The following TAFA2 variants were observed in gnomAD, a reference collection of about 807,000 sequenced individuals.
TAFA2 encodes TAFA chemokine like family member 2.
Under a neutral mutation model 18.8 loss-of-function variants are expected in TAFA2, and 7 were observed. The ratio of observed to expected loss-of-function variants is 0.37; its 90% CI spans 0.21 to 0.70. The LOEUF (loss-of-function observed/expected upper bound fraction) is 0.70. TAFA2 is among the 30% of genes least tolerant of loss of function. TAFA2 has a pLI of 0.53. For missense variants in TAFA2, 122 were observed against 158.1 expected, an observed-to-expected ratio of 0.77 and a Z score of 1.23; for synonymous variants, 60 against 54.2, an observed-to-expected ratio of 1.11 and a Z score of -0.47.
At chr12:61,711,033 G>C (rs2120533937) in intron 4 of TAFA2, among the ~76,000 whole-genome samples, 1 of 152,082 alleles carries the variant, frequency 6.6e-6, no homozygotes, top group South Asian at 2.1e-4. Context: ...AAATGTTAAA[G>C]GTGCCCCAAA....
At chr12:61,876,568 A>G (rs1592453459) in intron 1 of TAFA2, among the ~76,000 whole-genome samples, 1 of 152,266 alleles carries the variant, frequency 6.6e-6, no homozygotes, top group East Asian at 1.9e-4. Context: ...CTCAACACAG[A>G]TTGTTCTCAA....
chr12:62,181,524 C>A (rs1231171529), intron 1 of TAFA2, among the ~76,000 whole-genome samples: 2 of 152,168 alleles, frequency 1.3e-5, no homozygotes, highest in Non-Finnish European at 2.9e-5. Flanking sequence ...AATAGCATGA[C>A]TATTACGAAC....
intron 1 of TAFA2, among the ~76,000 whole-genome samples, chr12:62,058,236 G>C (rs939666250): frequency 2.0e-5 from 3 of 152,004 alleles, no homozygotes; most frequent in African/African-American, 7.3e-5. Flanking sequence ...CATGATGATG[G>C]GCCTTTAGTG....
chr12:62,066,730 T>C (rs1472264932), intron 1 of TAFA2, among the ~76,000 whole-genome samples: 1 of 152,012 alleles, frequency 6.6e-6, no homozygotes, highest in African/African-American at 2.4e-5. Flanking sequence ...TGAACACAGG[T>C]TGCTTTCAAA....
At chr12:61,889,145 C>T (rs1875519459) in intron 1 of TAFA2, among the ~76,000 whole-genome samples, 1 of 152,134 alleles carries the variant, frequency 6.6e-6, no homozygotes, top group Non-Finnish European at 1.5e-5. Flanking sequence ...ATTGATTTAG[C>T]TAACACACAT....
At chr12:61,732,697 T>A (rs531503439) in intron 4 of TAFA2, among the ~76,000 whole-genome samples, 1 of 151,716 alleles carries the variant, frequency 6.6e-6, no homozygotes, top group African/African-American at 2.4e-5. Context: ...TTGCAATGTT[T>A]TGGGGAGAGA....
At chr12:61,963,153 C>A (rs1319520376) in intron 1 of TAFA2, among the ~76,000 whole-genome samples, 1 of 151,924 alleles carries the variant, frequency 6.6e-6, no homozygotes, top group East Asian at 1.9e-4. Context: ...GGTTCCATGT[C>A]TTTGCTATTG....
chr12:61,806,802 T>G (rs571704807), intron 2 of TAFA2, among the ~76,000 whole-genome samples: 6 of 152,208 alleles, frequency 3.9e-5, no homozygotes, highest in Non-Finnish European at 8.8e-5. Flanking sequence ...GGTGGCATTT[T>G]GCCCCTGCCC....
At chr12:61,961,630 G>GA (rs1878888929) in intron 1 of TAFA2, among the ~76,000 whole-genome samples, 1 of 151,906 alleles carries the variant, frequency 6.6e-6, no homozygotes, top group Non-Finnish European at 1.5e-5. Flanking sequence ...CAAGGTCACA[G>GA]AAAAACTAAA....
intron 1 of TAFA2, among the ~76,000 whole-genome samples, chr12:62,099,517 T>C (rs1166801107): frequency 6.6e-6 from 1 of 152,216 alleles, no homozygotes; most frequent in African/African-American, 2.4e-5. Context: ...TGGCAATATT[T>C]AGAACATTCA....
rs1407068059 is a variant in TAFA2, at chr12:61,988,759, G to A, written c.-1-121333C>T. On this transcript the variant is annotated intron_variant, in intron 1 of 4. Coordinates refer to ENST00000416284, the MANE Select transcript of TAFA2 (RefSeq NM_178539.5). ...GTCTCTTGTACTCTCCAGTACCCCT[G>A]CAAACATACTTCAGCAGGAGGCTGT... Among the ~76,000 whole-genome samples the A allele has an allele frequency of 2.6e-5, 4 of 152,104 alleles. No individual in the cohort carries two copies. The East Asian group carries it at 7.7e-4, about 29-fold the overall frequency.
intron 1 of TAFA2, among the ~76,000 whole-genome samples, chr12:62,082,809 T>C (rs1424481957): frequency 6.6e-6 from 1 of 152,228 alleles, no homozygotes; most frequent in African/African-American, 2.4e-5. Flanking sequence ...TCAATATAAA[T>C]TTAAAATATA....
chr12:62,172,233 C>CCCTTCCTTCCTCCCTTCCTT (rs1439512605), intron 1 of TAFA2, among the ~76,000 whole-genome samples: 12 of 152,178 alleles, frequency 7.9e-5, no homozygotes, highest in Non-Finnish European at 1.5e-4. Flanking sequence ...CTCCCTTCCT[C>CCCTTCCTTCCTCCCTTCCTT]CCTTCCTTCC....
At chr12:61,868,459 C>T (rs1423811853) in intron 1 of TAFA2, among the ~76,000 whole-genome samples, 2 of 152,124 alleles carry the variant, frequency 1.3e-5, no homozygotes, top group Non-Finnish European at 2.9e-5. Context: ...TACTGAACTC[C>T]ACTGTGCTTG....
chr12:62,106,894 T>A (rs2136859123), intron 1 of TAFA2, among the ~76,000 whole-genome samples: 1 of 150,798 alleles, frequency 6.6e-6, no homozygotes, highest in East Asian at 1.9e-4. Context: ...TACCTTTTTT[T>A]TATTATTATT....
At chr12:61,765,267 A>T in intron 2 of TAFA2, among the ~76,000 whole-genome samples, 1 of 152,054 alleles carries the variant, frequency 6.6e-6, no homozygotes, top group East Asian at 1.9e-4. Flanking sequence ...CATGTGTAGA[A>T]GATTGCAGAG....
intron 1 of TAFA2, among the ~76,000 whole-genome samples, chr12:61,955,665 A>ATATATT (rs1555178829): frequency 2.5e-5 from 3 of 120,442 alleles, no homozygotes; most frequent in Admixed American, 8.5e-5. Flanking sequence ...ATATATATAT[A>ATATATT]TATATTTAAT....
chr12:62,088,614 TAAAAA>T (rs139428735), intron 1 of TAFA2, among the ~76,000 whole-genome samples: 1 of 104,474 alleles, frequency 9.6e-6, no homozygotes. Flanking sequence ...TGGACCACAT[TAAAAA>T]AAAAAAAAAA....
intron 1 of TAFA2, among the ~76,000 whole-genome samples, chr12:62,227,499 A>T (rs528650895): frequency 6.6e-6 from 1 of 152,268 alleles, no homozygotes; most frequent in East Asian, 1.9e-4. Flanking sequence ...TATTGAGCTG[A>T]GTTTCTCATG....
Sources: gnomAD v4.1 joint callset for allele counts (sites outside exome capture counted in the v4.1 genomes callset) on GRCh38, gnomAD v4.1.1 for gene constraint, MANE v1.5 for transcripts, NCBI Gene and HGNC (gene_info 2026-07-23, HGNC 2026-07-21) for gene names.